Variants in SGCG observed in about 807,000 individuals in gnomAD.
SGCG encodes the protein gamma-sarcoglycan.
A neutral mutation model predicts 29.3 loss-of-function variants in SGCG; 26 were observed. That is an observed-to-expected ratio of 0.89 (90% confidence interval 0.65 to 1.23). The LOEUF is 1.23. SGCG is among the 50% of genes most tolerant of loss of function. SGCG has a pLI of 0.00. For synonymous variants in SGCG, 145 were observed against 129.7 expected (o/e 1.12, Z -0.80); for missense variants, 353 against 356.0 (o/e 0.99, Z 0.07).
intron 5 of SGCG, among the ~76,000 whole-genome samples, chr13:23,292,500 T>C (rs1881755482): frequency 6.6e-6 from 1 of 152,196 alleles, no homozygotes; most frequent in Non-Finnish European, 1.5e-5. Flanking sequence ...CCAAAAACCA[T>C]TTAATTTAGA....
chr13:23,204,484 C>T (rs1001209855), intron 2 of SGCG, among the ~76,000 whole-genome samples: 1 of 152,146 alleles, frequency 6.6e-6, no homozygotes, highest in Admixed American at 6.5e-5. Context: ...CTTAATTTTA[C>T]AAGATAGCTG....
intron 4 of SGCG, among the ~76,000 whole-genome samples, chr13:23,256,333 ATTAAG>A (rs1428653851): frequency 5.9e-5 from 9 of 152,204 alleles, no homozygotes; most frequent in African/African-American, 2.2e-4. Flanking sequence ...AGTGTTTATT[ATTAAG>A]TTACTCAAGG....
At chr13:23,201,390 T>A in intron 1 of SGCG, among the ~76,000 whole-genome samples, 1 of 151,646 alleles carries the variant, frequency 6.6e-6, no homozygotes, top group East Asian at 1.9e-4. Context: ...TCTGCAGGTG[T>A]GGTTATGCCC....
In SGCG at chr13:23,188,650, A is replaced by G. The variant is rs118006314; in HGVS notation, c.-1+7575A>G. 1.2e-4 allele frequency among the ~76,000 whole-genome samples: 18 copies of G among 152,034 alleles called. No individual in the cohort carries two copies. The East Asian group carries it at 3.1e-3, about 26-fold the overall frequency. On this transcript the variant is annotated intron_variant, in intron 1 of 7. Coordinates refer to ENST00000218867, the MANE Select transcript of SGCG (RefSeq NM_000231.3). ...GGCTTTTAACATATTTGTCGCATTC[A>G]CTCATCTAGTCCGGTCCACATGGTA...
intron 1 of SGCG, among the ~76,000 whole-genome samples, chr13:23,188,365 A>C: frequency 8.5e-6 from 1 of 118,220 alleles, no homozygotes; most frequent in African/African-American, 3.3e-5. Flanking sequence ...TTGCTCTGTC[A>C]CCCAGTCTGG....
intron 1 of SGCG, among the ~76,000 whole-genome samples, chr13:23,199,211 CTA>C (rs1424846861): frequency 1.3e-5 from 2 of 152,034 alleles, no homozygotes; most frequent in Non-Finnish European, 2.9e-5. Context: ...ATGAACAAGT[CTA>C]TGAAAATAAA....
At chr13:23,216,611 C>T (rs1878439117) in intron 2 of SGCG, among the ~76,000 whole-genome samples, 1 of 152,102 alleles carries the variant, frequency 6.6e-6, no homozygotes, top group African/African-American at 2.4e-5. Flanking sequence ...TGCAAATGCA[C>T]TTGAGTAAAC....
the SGCG span, among the ~76,000 whole-genome samples, chr13:23,163,690 T>C: frequency 1.3e-5 from 2 of 152,232 alleles, no homozygotes; most frequent in Admixed American, 1.3e-4. Flanking sequence ...GTTTTTTGTC[T>C]AGTAGACTTT....
rs373266226 is a variant in SGCG, at chr13:23,311,784, C to G, written c.579-8853C>G. ...TTTCAACATATTTTCAGTTATCTTT[C>G]TATCTAATTTCTCAAATTAGAAAAT... is the stretch of plus-strand genomic sequence containing the variant. On this transcript the variant is annotated intron_variant, in intron 6 of 7. Transcript: ENST00000218867. 2.6e-5 allele frequency among the ~76,000 whole-genome samples: 4 copies of G among 152,330 alleles called. No homozygotes were observed. In the East Asian group the frequency reaches 7.7e-4, roughly 29 times the overall value.
rs370618977 is a variant in SGCG, at chr13:23,245,416, T to C, written c.298-5214T>C. 3 of 151,980 alleles carry C rather than the reference T, an allele frequency of 2.0e-5. No homozygotes were observed. The East Asian group carries it at 5.8e-4, about 29-fold the overall frequency. The allele number at this position is 151,980 out of a possible 1,614,324, so 9.4% of individuals were successfully genotyped here. A position where few individuals can be genotyped will look rare whatever the true frequency, so the allele number is the denominator to read the frequency against. ...ACTTATGTGAGGGTTCTCCAGGAGA[T>C]CCTGGGAGATGACATGCCAAAAGGA... On this transcript the variant is annotated intron_variant, in intron 3 of 7. Transcript: ENST00000218867.
chr13:23,295,988 C>T (rs1254755616), intron 6 of SGCG, among the ~76,000 whole-genome samples: 2 of 150,822 alleles, frequency 1.3e-5, no homozygotes, highest in East Asian at 3.9e-4. Context: ...TTGCATCTCC[C>T]TGGGGTGCCC....
chr13:23,223,074 C>T (rs4769244), intron 2 of SGCG, among the ~76,000 whole-genome samples: 108,870 of 151,744 alleles, frequency 0.72, 39,390 homozygotes, highest in East Asian at 0.93. Context: ...GTCAGGAGAT[C>T]GAGACCATCC....
intron 2 of SGCG, among the ~76,000 whole-genome samples, chr13:23,218,493 A>G (rs1045526553): frequency 9.9e-5 from 15 of 152,190 alleles, no homozygotes; most frequent in Non-Finnish European, 1.8e-4. Flanking sequence ...TGTAAAATAA[A>G]CTGTAACACT....
In SGCG at chr13:23,236,059, G is replaced by A. The variant is rs527434525; in HGVS notation, c.297+1347G>A. Among the ~76,000 whole-genome samples the A allele has an allele frequency of 7.2e-5, 11 of 152,312 alleles. No homozygotes were observed. The South Asian group carries it at 1.9e-3, about 26-fold the overall frequency. ...CTTCTGGGGCTATCTTATTGGCAGT[G>A]GGAGCCAGAAGATGACCTGCAGTAT... On this transcript the variant is annotated intron_variant, in intron 3 of 7. Coordinates refer to ENST00000218867, the MANE Select transcript of SGCG (RefSeq NM_000231.3).
intron 4 of SGCG, among the ~76,000 whole-genome samples, chr13:23,261,248 T>A (rs12865755): frequency 0.071 from 9,591 of 135,382 alleles, 419 homozygotes; most frequent in South Asian, 0.11. Context: ...TTCTGAAAAA[T>A]TTTTTTTTTA....
chr13:23,234,369 G>A (rs1593188078), intron 2 of SGCG, among the ~76,000 whole-genome samples: 1 of 151,824 alleles, frequency 6.6e-6, no homozygotes, highest in Admixed American at 6.6e-5. Flanking sequence ...ATGGGCTCTT[G>A]AGTATTATAA....
intron 3 of SGCG, among the ~76,000 whole-genome samples, chr13:23,238,032 GA>G (rs78309901): frequency 0.067 from 10,003 of 149,386 alleles, 449 homozygotes; most frequent in East Asian, 0.19. Context: ...ACTAAAAAAT[GA>G]AAAAAAAAAT....
At chr13:23,227,844 T>G (rs925120815) in intron 2 of SGCG, among the ~76,000 whole-genome samples, 8 of 152,138 alleles carry the variant, frequency 5.3e-5, no homozygotes, top group Admixed American at 6.5e-5. Context: ...AAGGTCTCAC[T>G]CCAATGCCAA....
At chr13:23,249,144 T>G (rs1879859655) in intron 3 of SGCG, among the ~76,000 whole-genome samples, 1 of 152,176 alleles carries the variant, frequency 6.6e-6, no homozygotes, top group Admixed American at 6.5e-5. Context: ...TCTACTTAAG[T>G]GATAGATATT....
Sources: allele counts gnomAD v4.1 joint callset (sites outside exome capture counted in the v4.1 genomes callset), GRCh38; gene constraint gnomAD v4.1.1; transcripts MANE v1.5; gene names NCBI Gene and HGNC (gene_info 2026-07-23, HGNC 2026-07-21).